Variants in NXF3 observed in about 807,000 individuals in gnomAD.
The protein encoded by NXF3 is nuclear RNA export factor 3, also known as TAP-like protein 3.
In NXF3, 34 loss-of-function variants were observed where a neutral mutation model predicts 48.4. The ratio of observed to expected loss-of-function variants is 0.70; its 90% CI spans 0.53 to 0.93. The LOEUF (loss-of-function observed/expected upper bound fraction) is 0.93, where lower values mean the gene tolerates loss of function less well. Ranked by LOEUF, NXF3 falls within the 40% of genes least tolerant of loss-of-function variation. The pLI is 0.00. For synonymous variants in NXF3, 132 were observed against 145.7 expected, an observed-to-expected ratio of 0.91 and a Z score of 0.68; for missense variants, 359 against 406.1, an observed-to-expected ratio of 0.88 and a Z score of 1.00.
chrX:103,078,582 C>G lies in NXF3; in HGVS notation c.1429G>C (p.Ala477Pro), dbSNP rs752398897. 3.3e-6 allele frequency: 4 copies of G among 1,212,160 alleles called. No homozygotes were observed. The highest frequency in any genetic ancestry group is 4.5e-6 in the Non-Finnish European group (4 of 895,653). ...AACCTGGAACTGCTGCCAGGGGTAGCAATGAAGGTCCGGGTGAAGGCGAGA... is the reference window on the plus strand; with the variant it reads ...AACCTGGAACTGCTGCCAGGGGTAGGAATGAAGGTCCGGGTGAAGGCGAGA... ...SVLAFTRTFI[A>P]TPGSSSSLCI... Residue 477 changes from alanine (A) to proline (P), a missense_variant, in exon 17 of 20, where the codon GCT (alanine) becomes CCT (proline). Ala to Pro is a conservative substitution (Grantham distance 27). Transcript: ENST00000395065.
At chrX:103,084,939 AAT>A in intron 1 of NXF3, 56 bp from the exon 2 acceptor site, 1 of 1,038,487 alleles carries the variant, frequency 9.6e-7, no homozygotes, top group South Asian at 2.0e-5. Flanking sequence ...ATCTTGGGAA[AAT>A]ATAATGGATA....
Position 103,084,700 on chromosome X carries a change from C to T in NXF3, c.197+15G>A. On this transcript the variant is annotated intron_variant, in intron 2 of 19. Transcript: ENST00000395065. ...GGCTGGTACATTCCAGCCATGCTGA[C>T]TACTGGTCACTTACTATCTTACTGG... 1 of 1,207,451 alleles carries T rather than the reference C, an allele frequency of 8.3e-7. No individual in the cohort carries two copies. Among genetic ancestry groups the T allele is most frequent in the Non-Finnish European group, 1.1e-6 (1 of 892,215 alleles).
At chrX:103,090,446 G>A (rs1470316549) in intron 1 of NXF3, among the ~76,000 whole-genome samples, 1 of 111,751 alleles carries the variant, frequency 8.9e-6, no homozygotes, top group African/African-American at 3.2e-5. Context: ...AACTACAAAG[G>A]ACTTATTTCA....
intron 9 of NXF3, 146 bp from the exon 10 acceptor site, chrX:103,080,758 ATTGG>A: frequency 3.8e-6 from 2 of 531,091 alleles, no homozygotes; most frequent in Non-Finnish European, 3.2e-6. Flanking sequence ...CCTGGGCAGC[ATTGG>A]GAGCCCAGGC....
At position 103,079,666 on chromosome X, in the gene NXF3, G is replaced by A. The variant is rs774798575; in HGVS notation, c.1161-24C>T. ...TCCTAGAAGAAAAAGAGGAGCAGGA[G>A]TGGGTGGTCTGGCCAGTGCAGGCAT... is the stretch of plus-strand genomic sequence containing the variant. On this transcript the variant is annotated intron_variant, in intron 13 of 19. Coordinates refer to ENST00000395065, the MANE Select transcript of NXF3 (RefSeq NM_022052.2). The A allele has an allele frequency of 2.4e-5, 29 of 1,200,721 alleles. No individual in the cohort carries two copies. The South Asian group carries it at 4.8e-4, about 20-fold the overall frequency.
Position 103,082,494 on chromosome X carries a change from C to T in NXF3, c.781-130G>A, listed in dbSNP as rs760453081. 1.3e-4 allele frequency: 66 copies of T among 490,406 alleles called. No individual in the cohort carries two copies. The East Asian group carries it at 2.1e-3, about 16-fold the overall frequency. The allele number at this position is 490,406 out of a possible 1,213,427, so 40.4% of individuals were successfully genotyped here. On this transcript the variant is annotated intron_variant, in intron 8 of 19. Coordinates refer to ENST00000395065, the MANE Select transcript of NXF3 (RefSeq NM_022052.2). Reference sequence around the variant, plus strand: ...TCACTACCCTAATGAACCCTCCTCCCCCTTTTTCTTCAAAGAACTATCTGA... The same window carrying T: ...TCACTACCCTAATGAACCCTCCTCCTCCTTTTTCTTCAAAGAACTATCTGA...
chrX:103,085,881 C>A (rs1481322830), intron 1 of NXF3, among the ~76,000 whole-genome samples: 1 of 75,707 alleles, frequency 1.3e-5, no homozygotes, highest in Non-Finnish European at 2.4e-5. Flanking sequence ...CCAGCCTGGG[C>A]GACAAAGCGA....
chrX:103,088,783 A>G, intron 1 of NXF3: 1 of 1,114,074 alleles, frequency 9.0e-7, no homozygotes, highest in East Asian at 3.0e-5. Flanking sequence ...ATTCATAATG[A>G]AAAGAGTCCT....
intron 19 of NXF3, 68 bp downstream of exon 19, chrX:103,076,173 C>A: frequency 1.3e-6 from 1 of 798,087 alleles, no homozygotes; most frequent in Non-Finnish European, 1.9e-6. Flanking sequence ...TCAGCAGAAC[C>A]GGAAGCCCAA....
intron 1 of NXF3, chrX:103,088,847 T>C: frequency 8.6e-7 from 1 of 1,165,251 alleles, no homozygotes; most frequent in Non-Finnish European, 1.2e-6. Flanking sequence ...TTTCTAATCA[T>C]CCACGTAATA....
At chrX:103,081,026 CG>C (rs1196255300) in intron 9 of NXF3, 3 of 165,514 alleles carry the variant, frequency 1.8e-5, no homozygotes, top group Non-Finnish European at 3.4e-5. Context: ...ATGGCAGAAA[CG>C]GGGTGAAGGT....
Position 103,080,116 on chromosome X carries a change from A to T in NXF3, c.996+32T>A, listed in dbSNP as rs377744171. 5.0e-5 allele frequency: 60 copies of T among 1,205,924 alleles called. No homozygotes were observed. In the African/African-American group the frequency reaches 1.1e-3, roughly 21 times the overall value. On this transcript the variant is annotated intron_variant, in intron 11 of 19. Coordinates refer to ENST00000395065, the MANE Select transcript of NXF3 (RefSeq NM_022052.2). ...CCACAGATGGTACCCCCCCTTCCTC[A>T]TGCACCACCCTGCTGGATCCTCTCT...
chrX:103,077,145 G>C (rs1216858174), intron 18 of NXF3, among the ~76,000 whole-genome samples: 1 of 109,805 alleles, frequency 9.1e-6, no homozygotes, highest in Admixed American at 9.7e-5. Flanking sequence ...GTGAAATAAA[G>C]AAGCAAAGCC....
intron 17 of NXF3, 51 bp from the exon 18 acceptor site, chrX:103,077,797 C>T: frequency 8.5e-7 from 1 of 1,182,005 alleles, no homozygotes; most frequent in Non-Finnish European, 1.1e-6. Flanking sequence ...CACCTCCCCA[C>T]CCGCTACAAG....
intron 9 of NXF3, 90 bp from the exon 10 acceptor site, chrX:103,080,702 C>T (rs1345943301): frequency 1.7e-5 from 15 of 883,207 alleles, no homozygotes; most frequent in Non-Finnish European, 2.5e-5. Context: ...GTCAGAGACA[C>T]AGTGCAGTGT....
Position 103,084,381 on chromosome X carries a change from G to A in NXF3, c.312C>T (p.Asn104=). ...QKPPERRMEG[N]MPDGTLGSWF... Reference sequence around the variant, plus strand: ...AGCTCCCTAAGGTCCCATCCGGCATGTTCCCCTCCATTCTTCTCTCTGGAG... The same window carrying A: ...AGCTCCCTAAGGTCCCATCCGGCATATTCCCCTCCATTCTTCTCTCTGGAG... Residue 104 remains asparagine, a synonymous_variant, in exon 3 of 20, where the codon AAC becomes AAT. Transcript: ENST00000395065. 1 of 1,211,623 alleles carries A rather than the reference G, an allele frequency of 8.3e-7. No homozygotes were observed. The highest frequency in any genetic ancestry group is 1.1e-6 in the Non-Finnish European group (1 of 895,470).
At chrX:103,078,333 C>T (rs1369443543) in intron 17 of NXF3, among the ~76,000 whole-genome samples, 1 of 111,965 alleles carries the variant, frequency 8.9e-6, no homozygotes, top group Non-Finnish European at 1.9e-5. Context: ...ACTGTGTTGC[C>T]TAGGCTGGTC....
intron 1 of NXF3, among the ~76,000 whole-genome samples, chrX:103,090,326 TA>T (rs1922244397): frequency 8.9e-6 from 1 of 112,310 alleles, no homozygotes; most frequent in Non-Finnish European, 1.9e-5. Flanking sequence ...TGATCCTTGT[TA>T]AATTTTTATT....
intron 17 of NXF3, 29 bp from the exon 18 acceptor site, chrX:103,077,775 C>T (rs776341991): frequency 3.6e-5 from 43 of 1,203,486 alleles, no homozygotes; most frequent in Middle Eastern, 2.3e-4. Flanking sequence ...ATCAGGTAGC[C>T]GGAGAGAAGG....
Sources: gnomAD v4.1 joint callset for allele counts (sites outside exome capture counted in the v4.1 genomes callset) on GRCh38, gnomAD v4.1.1 for gene constraint, MANE v1.5 for transcripts, NCBI Gene and HGNC (gene_info 2026-07-23, HGNC 2026-07-21) for gene names.